MRTFA: variants seen among roughly 807,000 people sequenced by gnomAD.
MRTFA encodes myocardin related transcription factor A.
MRTFA carries 20 observed loss-of-function variants against 83.5 expected under a neutral mutation model. The observed-to-expected ratio is 0.24, with a 90% confidence interval of 0.17 to 0.35. The LOEUF (loss-of-function observed/expected upper bound fraction) is 0.35, where lower values mean the gene tolerates loss of function less well. MRTFA is among the 10% of genes least tolerant of loss of function. MRTFA has a pLI of 1.00. For missense variants in MRTFA, 1,200 were observed against 1,224.7 expected (o/e 0.98, Z 0.30); for synonymous variants, 659 against 541.2 (o/e 1.22, Z -3.02).
intron 2 of MRTFA, among the ~76,000 whole-genome samples, chr22:40,572,119 G>GT (rs1569334567): frequency 6.6e-6 from 1 of 151,908 alleles, no homozygotes; most frequent in Non-Finnish European, 1.5e-5. Flanking sequence ...TGGAGTTCAC[G>GT]TATTATCCCA....
At chr22:40,576,939 G>C (rs1291739561) in intron 2 of MRTFA, among the ~76,000 whole-genome samples, 2 of 152,152 alleles carry the variant, frequency 1.3e-5, no homozygotes, top group African/African-American at 4.8e-5. Context: ...AAATTAACTG[G>C]AGGCAGTGGC....
chr22:40,413,137 C>CAAAAAAA (rs35119560), intron 14 of MRTFA, among the ~76,000 whole-genome samples: 7 of 28,134 alleles, frequency 2.5e-4, no homozygotes, highest in South Asian at 1.4e-3. Context: ...CACCCTGTCT[C>CAAAAAAA]AAAAAAAAAA....
intron 4 of MRTFA, among the ~76,000 whole-genome samples, chr22:40,446,482 G>C (rs1384477298): frequency 6.6e-6 from 1 of 152,138 alleles, no homozygotes; most frequent in Admixed American, 6.5e-5. Flanking sequence ...AGAACTCAAG[G>C]ACAGGCATGA....
intron 4 of MRTFA, among the ~76,000 whole-genome samples, chr22:40,461,269 A>G (rs988849289): frequency 1.3e-5 from 2 of 150,414 alleles, no homozygotes; most frequent in South Asian, 2.1e-4. Context: ...TACACTTGTT[A>G]TAAGGTTCTC....
At position 40,417,320 on chromosome 22, in the gene MRTFA, G is replaced by C. The variant is rs779294291; in HGVS notation, c.2517+21C>G. ...CTAGGGCAGCTGCCAACACTAGCCA[G>C]GCCTAGCCCGCCTTCCTCACCTGCT... is the stretch of plus-strand genomic sequence containing the variant. On this transcript the variant is annotated intron_variant, in intron 13 of 14. Transcript: ENST00000355630. 40 of 1,606,774 alleles carry C rather than the reference G, an allele frequency of 2.5e-5. No individual in the cohort carries two copies. In the Admixed American group the frequency reaches 6.7e-4, roughly 27 times the overall value.
intron 1 of MRTFA, among the ~76,000 whole-genome samples, chr22:40,601,833 G>A (rs759315061): frequency 1.3e-5 from 2 of 152,122 alleles, no homozygotes; most frequent in Non-Finnish European, 2.9e-5. Flanking sequence ...AAAGCTTGAA[G>A]ATCAAGACTG....
chr22:40,622,628 A>G (rs2056537456), intron 1 of MRTFA, among the ~76,000 whole-genome samples: 1 of 152,186 alleles, frequency 6.6e-6, no homozygotes, highest in Non-Finnish European at 1.5e-5. Context: ...GATTGAAGTG[A>G]CGCTGCCACA....
chr22:40,581,945 G>A (rs973573113), intron 2 of MRTFA, among the ~76,000 whole-genome samples: 1 of 152,056 alleles, frequency 6.6e-6, no homozygotes, highest in Non-Finnish European at 1.5e-5. Context: ...TATAAAATTC[G>A]CCCTTTCGAA....
intron 1 of MRTFA, among the ~76,000 whole-genome samples, chr22:40,611,230 C>T (rs978006476): frequency 6.6e-6 from 1 of 151,982 alleles, no homozygotes; most frequent in Non-Finnish European, 1.5e-5. Context: ...TGAGCCACTG[C>T]GCCCAGCCTA....
chr22:40,431,292 CA>C, intron 6 of MRTFA, 112 bp downstream of exon 6: 1 of 1,000,958 alleles, frequency 1.0e-6, no homozygotes, highest in Non-Finnish European at 1.6e-6. Context: ...CTGGCTTACC[CA>C]CTGCCAACAG....
At chr22:40,484,868 C>A (rs1034599433) in intron 3 of MRTFA, among the ~76,000 whole-genome samples, 5 of 151,840 alleles carry the variant, frequency 3.3e-5, no homozygotes, top group African/African-American at 1.2e-4. Context: ...GTCAGGAGAT[C>A]GAGACCATCC....
chr22:40,480,044 G>A (rs17001969), intron 3 of MRTFA, among the ~76,000 whole-genome samples: 3,037 of 152,138 alleles, frequency 0.02, 103 homozygotes, highest in African/African-American at 0.068. Context: ...ATAAAATGGT[G>A]TAAACATGCA....
intron 4 of MRTFA, among the ~76,000 whole-genome samples, chr22:40,451,973 TGG>T (rs1324057040): frequency 6.1e-5 from 2 of 32,530 alleles, no homozygotes; most frequent in South Asian, 1.2e-3. Flanking sequence ...TTTTTTTTTT[TGG>T]TTTTTTTTTT....
intron 3 of MRTFA, among the ~76,000 whole-genome samples, chr22:40,502,057 G>A (rs1290441885): frequency 1.4e-3 from 193 of 134,670 alleles, no homozygotes; most frequent in Non-Finnish European, 2.3e-3. Context: ...CCTCCCGGAC[G>A]GGGTGGCTGG....
chr22:40,561,825 C>A (rs1174769658), intron 2 of MRTFA, among the ~76,000 whole-genome samples: 1 of 152,162 alleles, frequency 6.6e-6, no homozygotes, highest in Admixed American at 6.6e-5. Context: ...TCTGAGCTGG[C>A]CTCTGCCTTG....
At chr22:40,519,594 C>T in intron 3 of MRTFA, 2 of 1,332,790 alleles carry the variant, frequency 1.5e-6, no homozygotes, top group Non-Finnish European at 2.0e-6. Context: ...ATTTGTTATA[C>T]CCAATTTGAG....
intron 6 of MRTFA, among the ~76,000 whole-genome samples, chr22:40,430,177 C>A (rs2053038651): frequency 6.6e-6 from 1 of 152,140 alleles, no homozygotes; most frequent in Non-Finnish European, 1.5e-5. Flanking sequence ...TCTCTTCCAG[C>A]CCCAAAAACA....
At position 40,463,256 on chromosome 22, in the gene MRTFA, G is replaced by T; in HGVS notation, c.272C>A (p.Thr91Asn). Residue 91 changes from threonine (T) to asparagine (N), a missense_variant, in exon 4 of 15, where the codon ACC becomes AAC. Around this residue, in one of 2 missense-constraint regions of MRTFA, gnomAD observed 93 missense variants for 182.9 expected, o/e 0.51. Coordinates refer to ENST00000355630, the MANE Select transcript of MRTFA (RefSeq NM_020831.6). ...CCCTTGGCTCACCAGTTCTTCCCGG[G>T]TCCGGCGCTGCTGGAGTTTCAACTG... 6.2e-7 allele frequency: 1 copy of T among 1,614,072 alleles called. No homozygotes were observed. The highest frequency in any genetic ancestry group is 8.5e-7 in the Non-Finnish European group (1 of 1,179,980).
At chr22:40,545,431 T>A (rs1425706302) in intron 3 of MRTFA, among the ~76,000 whole-genome samples, 1 of 151,104 alleles carries the variant, frequency 6.6e-6, no homozygotes, top group Non-Finnish European at 1.5e-5. Flanking sequence ...CCCACTGAAT[T>A]CCTTTTTTTT....
Sources: allele counts gnomAD v4.1 joint callset (sites outside exome capture counted in the v4.1 genomes callset), GRCh38; gene constraint gnomAD v4.1.1; regional missense constraint gnomAD v4.1.1; transcripts MANE v1.5; gene names NCBI Gene and HGNC (gene_info 2026-07-23, HGNC 2026-07-21).